EPB41L4A: variants seen among roughly 807,000 people sequenced by gnomAD.
EPB41L4A encodes the protein erythrocyte membrane protein band 4.1 like 4A.
A neutral mutation model predicts 108.6 loss-of-function variants in EPB41L4A; 100 were observed. That is an observed-to-expected ratio of 0.92 (90% CI 0.78 to 1.09). EPB41L4A has a LOEUF of 1.09. Ranked by LOEUF, EPB41L4A falls within the 50% of genes least tolerant of loss-of-function variation. The probability of loss-of-function intolerance (pLI) is 0.00; values close to 1 mark genes in which losing one functional copy is unlikely to be tolerated. For missense variants in EPB41L4A, 1,030 were observed against 842.7 expected (o/e 1.22, Z -2.75); for synonymous variants, 319 against 289.0 (o/e 1.10, Z -1.05).
exon 14 of EPB41L4A, chr5:112,142,713 C>T (rs1321160514): frequency 6.6e-6 from 1 of 152,210 alleles, no homozygotes; most frequent in African/African-American, 2.4e-5. Context: ...AGGCCCAAAT[C>T]CTGTCTCTGC....
In EPB41L4A at chr5:112,259,902, C is replaced by A. The variant is rs1457497402; in HGVS notation, c.720G>T (p.Gly240=). The change falls in exon 8 of 23, where the codon GGG becomes GGT. Residue 240 remains glycine (G), a synonymous_variant. Coordinates refer to ENST00000261486, the MANE Select transcript of EPB41L4A (RefSeq NM_022140.5). ...VVVYKNKKQV[G]KYFWPRITKV... ...CAAGCCATACCTACCAGAAATACTT[C>A]CCCACTTGCTTTTTATTCTTGTACA... is the stretch of plus-strand genomic sequence containing the variant. The A allele has an allele frequency of 6.2e-7, 1 of 1,613,576 alleles. No homozygotes were observed. The highest frequency in any genetic ancestry group is 1.7e-5 in the Admixed American group (1 of 60,018).
chr5:112,228,837 T>G, intron 12 of EPB41L4A: 1 of 641,236 alleles, frequency 1.6e-6, no homozygotes, highest in Non-Finnish European at 1.9e-6. Flanking sequence ...TCTGGCTGCC[T>G]GCCCTGATGC....
chr5:112,417,251 T>C (rs1016679339), intron 1 of EPB41L4A, among the ~76,000 whole-genome samples: 3 of 152,384 alleles, frequency 2.0e-5, no homozygotes, highest in African/African-American at 7.2e-5. Context: ...TTATTCCATT[T>C]GATCCCAAGT....
chr5:112,373,453 T>A (rs542265130), intron 1 of EPB41L4A, among the ~76,000 whole-genome samples: 1 of 152,338 alleles, frequency 6.6e-6, no homozygotes. Context: ...CATTTTCACA[T>A]AAATGACAAA....
chr5:112,340,240 C>A (rs1026825865), intron 1 of EPB41L4A, among the ~76,000 whole-genome samples: 1 of 152,184 alleles, frequency 6.6e-6, no homozygotes, highest in Non-Finnish European at 1.5e-5. Context: ...CCAACTTGAC[C>A]TCTCTGTAGC....
chr5:112,289,655 A>T (rs1181738391), intron 2 of EPB41L4A, among the ~76,000 whole-genome samples: 3 of 152,188 alleles, frequency 2.0e-5, no homozygotes, highest in Non-Finnish European at 4.4e-5. Context: ...GAGAGTCCAC[A>T]AGTAGGTGCT....
At chr5:112,272,643 T>C (rs966257607) in intron 4 of EPB41L4A, among the ~76,000 whole-genome samples, 1 of 151,520 alleles carries the variant, frequency 6.6e-6, no homozygotes, top group African/African-American at 2.4e-5. Context: ...TAGCTGGGCA[T>C]GGTGGTGGGC....
intron 12 of EPB41L4A, among the ~76,000 whole-genome samples, chr5:112,154,471 A>G (rs1759580440): frequency 6.6e-6 from 1 of 152,252 alleles, no homozygotes; most frequent in Admixed American, 6.5e-5. Flanking sequence ...TTTAAACATT[A>G]TCTTAAAATC....
chr5:112,267,391 A>T (rs930444672), intron 4 of EPB41L4A, among the ~76,000 whole-genome samples: 4 of 152,260 alleles, frequency 2.6e-5, no homozygotes, highest in Non-Finnish European at 5.9e-5. Flanking sequence ...AGGAAATGTT[A>T]CATGTGTTAG....
At chr5:112,265,261 G>T (rs149897225) in intron 5 of EPB41L4A, among the ~76,000 whole-genome samples, 1 of 151,928 alleles carries the variant, frequency 6.6e-6, no homozygotes, top group Non-Finnish European at 1.5e-5. Flanking sequence ...TTATATCATC[G>T]TTTTTACTTC....
At position 112,171,006 on chromosome 5, in the gene EPB41L4A, AAAC is replaced by A; in HGVS notation, c.1623-17_1623-15del. 1.2e-6 allele frequency: 2 copies of A among 1,610,514 alleles called. No individual in the cohort carries two copies. The highest frequency in any genetic ancestry group is 1.7e-6 in the Non-Finnish European group (2 of 1,176,800). On this transcript the variant is annotated splice_polypyrimidine_tract_variant and intron_variant, in intron 18 of 22. Transcript: ENST00000261486. ...TCGGGGCTTCTCCTATAAATAGAGA[AAAC>A]AACATTCATCTCTGCAAACATGCTT...
rs116068428 is a variant in EPB41L4A at position 112,281,878 on chromosome 5, A to G, written c.205-1555T>C. On this transcript the variant is annotated intron_variant, in intron 2 of 22. Transcript: ENST00000261486. ...CATTTTACTGTAAGATTTTATAACT[A>G]TACTAAACTCTATTCATGCATATAT... Among the ~76,000 whole-genome samples, 877 of 152,314 alleles carry G rather than the reference A, an allele frequency of 5.8e-3. 2 individuals carry two copies. Among genetic ancestry groups the G allele is most frequent in the Middle Eastern group, 0.014 (4 of 294 alleles).
intron 1 of EPB41L4A, among the ~76,000 whole-genome samples, chr5:112,367,639 C>T (rs890102121): frequency 1.3e-5 from 2 of 152,208 alleles, no homozygotes; most frequent in African/African-American, 4.8e-5. Flanking sequence ...CCATCCTGGG[C>T]AACACAGCAA....
intron 12 of EPB41L4A, among the ~76,000 whole-genome samples, chr5:112,225,583 C>T (rs773162583): frequency 5.9e-5 from 9 of 152,128 alleles, no homozygotes; most frequent in Non-Finnish European, 1.3e-4. Flanking sequence ...TCTCCCACTG[C>T]CAATCCCCAT....
intron 2 of EPB41L4A, among the ~76,000 whole-genome samples, chr5:112,294,693 G>A (rs372640849): frequency 3.3e-5 from 5 of 152,110 alleles, no homozygotes; most frequent in African/African-American, 1.2e-4. Context: ...ACAACCCCCC[G>A]AGACACTATG....
At chr5:112,259,150 C>T in intron 9 of EPB41L4A, 79 bp downstream of exon 9, 1 of 1,128,628 alleles carries the variant, frequency 8.9e-7, no homozygotes, top group South Asian at 1.3e-5. Context: ...GAAAACATTT[C>T]TTCACAATGT....
chr5:112,393,084 T>C (rs1384142269), intron 1 of EPB41L4A, among the ~76,000 whole-genome samples: 4 of 152,164 alleles, frequency 2.6e-5, no homozygotes, highest in Non-Finnish European at 5.9e-5. Flanking sequence ...GGGACACATT[T>C]AAAGCAGTGT....
At chr5:112,406,821 G>C (rs1458913744) in intron 1 of EPB41L4A, among the ~76,000 whole-genome samples, 1 of 152,126 alleles carries the variant, frequency 6.6e-6, no homozygotes, top group African/African-American at 2.4e-5. Context: ...AGAGAGAAGA[G>C]TCTAGGCCCA....
intron 17 of EPB41L4A, among the ~76,000 whole-genome samples, chr5:112,190,894 A>G (rs1304826936): frequency 2.0e-5 from 3 of 151,974 alleles, no homozygotes; most frequent in African/African-American, 7.3e-5. Flanking sequence ...GAAAGAAAAA[A>G]GACTGGAAAG....
Sources: gnomAD v4.1 joint callset for allele counts (sites outside exome capture counted in the v4.1 genomes callset) on GRCh38, gnomAD v4.1.1 for gene constraint, MANE v1.5 for transcripts, NCBI Gene and HGNC (gene_info 2026-07-23, HGNC 2026-07-21) for gene names.